Variants in DCDC1 observed in about 807,000 individuals in gnomAD.
DCDC1 encodes doublecortin domain containing 1.
A neutral mutation model predicts 178.3 loss-of-function variants in DCDC1; 200 were observed. That is an observed-to-expected ratio of 1.12 (90% CI 1.00 to 1.26). DCDC1 has a LOEUF of 1.26. Among genes scored for constraint, DCDC1 ranks in the 50% most tolerant of loss-of-function variants. The pLI is 0.00. For missense variants in DCDC1, 1,983 were observed against 1,749.2 expected (o/e 1.13, Z -2.38); for synonymous variants, 690 against 604.8 (o/e 1.14, Z -2.07).
At chr11:31,217,298 A>AT (rs1973708357) in intron 9 of DCDC1, among the ~76,000 whole-genome samples, 1 of 152,198 alleles carries the variant, frequency 6.6e-6, no homozygotes, top group African/African-American at 2.4e-5. Flanking sequence ...GTATATACAA[A>AT]TTTTTATGTA....
intron 2 of DCDC1, among the ~76,000 whole-genome samples, chr11:31,334,437 C>T (rs1387913929): frequency 1.3e-5 from 2 of 152,136 alleles, no homozygotes; most frequent in Admixed American, 6.5e-5. Flanking sequence ...CGAGGAGCTG[C>T]GATGCTTTGG....
At chr11:30,884,370 CTCTT>C (rs1942980661) in intron 36 of DCDC1, among the ~76,000 whole-genome samples, 1 of 152,062 alleles carries the variant, frequency 6.6e-6, no homozygotes, top group African/African-American at 2.4e-5. Context: ...ATGTTTTCCT[CTCTT>C]TTTTTTGTTA....
At chr11:31,044,397 G>A (rs1205307256) in intron 20 of DCDC1, among the ~76,000 whole-genome samples, 1 of 148,762 alleles carries the variant, frequency 6.7e-6, no homozygotes, top group Non-Finnish European at 1.5e-5. Context: ...GAATGGGCAT[G>A]AACCCGGGAG....
At chr11:30,985,933 C>A (rs1950617431) in intron 20 of DCDC1, among the ~76,000 whole-genome samples, 1 of 152,072 alleles carries the variant, frequency 6.6e-6, no homozygotes, top group Non-Finnish European at 1.5e-5. Flanking sequence ...TCCTAACATT[C>A]AAAAAAGTGC....
Position 31,084,634 on chromosome 11 carries a change from A to G in DCDC1, c.2238-6709T>C, listed in dbSNP as rs574077100. Among the ~76,000 whole-genome samples, 6 of 152,248 alleles carry G rather than the reference A, an allele frequency of 3.9e-5. No homozygotes were observed. The South Asian group carries it at 1.0e-3, about 26-fold the overall frequency. On this transcript the variant is annotated intron_variant, in intron 17 of 38. Transcript: ENST00000684477. ...GGAGGATCCCTACACAATTAGGATG[A>G]TATGCCTTTGTATTAATGCAACTTG... is the stretch of plus-strand genomic sequence containing the variant.
chr11:30,893,026 G>A, intron 35 of DCDC1, 29 bp from the exon 36 acceptor site: 1 of 1,610,844 alleles, frequency 6.2e-7, no homozygotes, highest in Non-Finnish European at 8.5e-7. Flanking sequence ...AGAATGTTGT[G>A]TTTAGAGAAC....
intron 22 of DCDC1, among the ~76,000 whole-genome samples, chr11:30,930,863 G>A (rs560723987): frequency 7.2e-5 from 11 of 152,030 alleles, no homozygotes; most frequent in African/African-American, 4.8e-5. Context: ...AAATGTATGC[G>A]TCAAAGAATT....
At chr11:30,972,919 A>G (rs1200067769) in intron 20 of DCDC1, among the ~76,000 whole-genome samples, 1 of 152,054 alleles carries the variant, frequency 6.6e-6, no homozygotes, top group Non-Finnish European at 1.5e-5. Context: ...ATGGTTTAAA[A>G]TCATCCCCCT....
chr11:31,256,538 G>T (rs1199983748), intron 8 of DCDC1, among the ~76,000 whole-genome samples: 2 of 152,176 alleles, frequency 1.3e-5, no homozygotes, highest in African/African-American at 4.8e-5. Context: ...CAAAAAGTCT[G>T]AGACTTATGA....
intron 20 of DCDC1, among the ~76,000 whole-genome samples, chr11:31,001,054 T>C (rs1029087307): frequency 6.6e-6 from 1 of 152,180 alleles, no homozygotes; most frequent in African/African-American, 2.4e-5. Context: ...AGCTGTGAAA[T>C]TATGATTTTT....
intron 3 of DCDC1, among the ~76,000 whole-genome samples, chr11:31,319,466 A>C (rs1401514835): frequency 1.5e-5 from 1 of 66,500 alleles, no homozygotes; most frequent in Non-Finnish European, 2.7e-5. Flanking sequence ...ATCAGAGACT[A>C]GGATTGCAAC....
intron 34 of DCDC1, among the ~76,000 whole-genome samples, chr11:30,896,334 A>G (rs1286215213): frequency 6.6e-6 from 1 of 152,168 alleles, no homozygotes; most frequent in Non-Finnish European, 1.5e-5. Context: ...TTTCATTTTG[A>G]GGATGGAGCT....
At chr11:31,348,832 A>G (rs917110907) in intron 1 of DCDC1, among the ~76,000 whole-genome samples, 1 of 152,206 alleles carries the variant, frequency 6.6e-6, no homozygotes, top group Non-Finnish European at 1.5e-5. Flanking sequence ...TCTTCATTAA[A>G]TCTACCTTCC....
intron 1 of DCDC1, among the ~76,000 whole-genome samples, chr11:31,338,833 T>TA (rs1260424677): frequency 7.9e-5 from 12 of 152,188 alleles, no homozygotes; most frequent in African/African-American, 2.9e-4. Context: ...TAGAAGATCT[T>TA]AGAGCATTAT....
chr11:31,325,313 G>A (rs944250055), intron 3 of DCDC1, among the ~76,000 whole-genome samples: 2 of 152,046 alleles, frequency 1.3e-5, no homozygotes, highest in African/African-American at 4.8e-5. Context: ...GGGTCACTTG[G>A]GAATGCATCA....
At chr11:31,023,451 A>C (rs927131165) in intron 20 of DCDC1, among the ~76,000 whole-genome samples, 1 of 152,194 alleles carries the variant, frequency 6.6e-6, no homozygotes, top group African/African-American at 2.4e-5. Flanking sequence ...AGGAACAATG[A>C]GGAAGACACT....
At chr11:30,950,354 C>T (rs890412895) in intron 21 of DCDC1, among the ~76,000 whole-genome samples, 3 of 152,058 alleles carry the variant, frequency 2.0e-5, no homozygotes, top group African/African-American at 7.2e-5. Flanking sequence ...GATATACATC[C>T]AAAAGAAAGG....
chr11:31,260,483 G>T (rs779872484), intron 8 of DCDC1, among the ~76,000 whole-genome samples: 2 of 152,108 alleles, frequency 1.3e-5, no homozygotes, highest in Non-Finnish European at 2.9e-5. Context: ...GGACAGAATT[G>T]CTGGGCATAA....
intron 20 of DCDC1, among the ~76,000 whole-genome samples, chr11:31,030,631 G>A (rs1161423406): frequency 1.3e-5 from 2 of 152,124 alleles, no homozygotes; most frequent in African/African-American, 4.8e-5. Flanking sequence ...GAGTGCATAT[G>A]TGCCGCCAAG....
Sources: gnomAD v4.1 joint callset for allele counts (sites outside exome capture counted in the v4.1 genomes callset) on GRCh38, gnomAD v4.1.1 for gene constraint, MANE v1.5 for transcripts, NCBI Gene and HGNC (gene_info 2026-07-23, HGNC 2026-07-21) for gene names.